Variants in PAPPA observed in about 807,000 individuals in gnomAD.
PAPPA encodes the protein pappalysin 1.
Under a neutral mutation model 164.0 loss-of-function variants are expected in PAPPA, and 60 were observed. The observed-to-expected ratio is 0.37, with a 90% CI of 0.30 to 0.45. PAPPA has a LOEUF of 0.45. Among genes scored for constraint, PAPPA ranks in the 20% least tolerant of loss-of-function variants. The pLI, the probability that PAPPA is intolerant of heterozygous loss-of-function variation, is 1.00. For missense variants in PAPPA, 1,782 were observed against 2,087.3 expected, an observed-to-expected ratio of 0.85 and a Z score of 2.85; for synonymous variants, 875 against 814.1, an observed-to-expected ratio of 1.07 and a Z score of -1.27.
At chr9:116,306,288 T>A (rs1845645365) in intron 10 of PAPPA, among the ~76,000 whole-genome samples, 1 of 152,196 alleles carries the variant, frequency 6.6e-6, no homozygotes, top group Non-Finnish European at 1.5e-5. Flanking sequence ...GTCTGCAGGA[T>A]CTCTATGACT....
chr9:116,154,059 G>A lies in PAPPA; in HGVS notation c.-114G>A, dbSNP rs901460804. 2.6e-6 allele frequency: 3 copies of A among 1,149,964 alleles called. No individual in the cohort carries two copies. Among genetic ancestry groups the A allele is most frequent in the African/African-American group, 1.7e-5 (1 of 59,394 alleles). 71.2% of individuals were successfully genotyped at this position (1,149,964 alleles called of 1,614,324 possible). On this transcript the variant is annotated 5_prime_UTR_variant, in exon 1 of 22. Transcript: ENST00000328252. The surrounding 1 kb of genome is among the most constrained non-coding windows in gnomAD (Gnocchi z 5.2). ...AAAGAAAAAAGCAAGTGGAAAGGGG[G>A]GCTCGCCCAAGAAGGGTGAAGAAGC... is the stretch of plus-strand genomic sequence containing the variant.
chr9:116,344,057 C>G (rs1013404591), intron 13 of PAPPA, among the ~76,000 whole-genome samples: 1 of 152,144 alleles, frequency 6.6e-6, no homozygotes, highest in African/African-American at 2.4e-5. Context: ...TGAGCCACCG[C>G]GCCCAGCCCA....
chr9:116,287,300 T>G (rs913129763), intron 9 of PAPPA: 1 of 152,180 alleles, frequency 6.6e-6, no homozygotes, highest in Non-Finnish European at 1.5e-5. Context: ...CGGATGATGG[T>G]ATAGGAAGAC....
chr9:116,160,494 A>G (rs529677561), intron 1 of PAPPA, among the ~76,000 whole-genome samples: 1 of 152,314 alleles, frequency 6.6e-6, no homozygotes, highest in South Asian at 2.1e-4. Context: ...CTAGTCCTTT[A>G]GAAAGATGTG....
rs931409272 is a variant in PAPPA at position 116,153,967 on chromosome 9, A to T, written c.-206A>T. On this transcript the variant is annotated 5_prime_UTR_variant, in exon 1 of 22. Coordinates refer to ENST00000328252, the MANE Select transcript of PAPPA (RefSeq NM_002581.5). ...GAGAAATTAATTGCCAACCAGGAGG[A>T]GTTGGGCTGTATTTTTCAAAGGTGG... 5 of 425,624 alleles carry T rather than the reference A, an allele frequency of 1.2e-5. No individual in the cohort carries two copies. The highest frequency in any genetic ancestry group is 1.7e-5 in the Non-Finnish European group (5 of 291,936). The allele number at this position is 425,624 out of a possible 1,614,324, so 26.4% of individuals were successfully genotyped here.
rs1847023589 is a variant in PAPPA at position 116,399,860 on chromosome 9, C to T, written c.*3244C>T. On this transcript the variant is annotated 3_prime_UTR_variant, in exon 22 of 22. Transcript: ENST00000328252. ...CTCCTGGCTTCAACACATTGAGTCACTGCCTAGACGGTTCTCTTGGTCTTA... is the reference window on the plus strand; with the variant it reads ...CTCCTGGCTTCAACACATTGAGTCATTGCCTAGACGGTTCTCTTGGTCTTA... The T allele has an allele frequency of 1.3e-5, 2 of 152,628 alleles. No homozygotes were observed. Among genetic ancestry groups the T allele is most frequent in the South Asian group, 4.1e-4 (2 of 4,830 alleles). 9.5% of individuals were successfully genotyped at this position (152,628 alleles called of 1,614,324 possible).
intron 1 of PAPPA, among the ~76,000 whole-genome samples, chr9:116,171,220 T>C (rs1337504614): frequency 6.6e-6 from 1 of 152,142 alleles, no homozygotes; most frequent in African/African-American, 2.4e-5. Flanking sequence ...TCTGGGACTC[T>C]TTTTTCCCAC....
intron 5 of PAPPA, among the ~76,000 whole-genome samples, chr9:116,223,421 T>C (rs1844468765): frequency 6.6e-6 from 1 of 152,294 alleles, no homozygotes; most frequent in Non-Finnish European, 1.5e-5. Flanking sequence ...TGGAAACCTA[T>C]TTGAGGGTTA....
chr9:116,257,918 TTA>T (rs1421909526), intron 7 of PAPPA, among the ~76,000 whole-genome samples: 1 of 151,932 alleles, frequency 6.6e-6, no homozygotes, highest in Admixed American at 6.5e-5. Flanking sequence ...CTACACGTAA[TTA>T]TGTGTATGTG....
chr9:116,239,885 A>G (rs1348162545), intron 7 of PAPPA, among the ~76,000 whole-genome samples: 1 of 152,126 alleles, frequency 6.6e-6, no homozygotes, highest in Non-Finnish European at 1.5e-5. Flanking sequence ...CTAGTCCACA[A>G]TCAGTCCCTG....
At chr9:116,371,855 C>T (rs1342625315) in intron 19 of PAPPA, among the ~76,000 whole-genome samples, 1 of 152,148 alleles carries the variant, frequency 6.6e-6, no homozygotes, top group East Asian at 1.9e-4. Context: ...TTCTCCAGCA[C>T]CAAGGTAACC....
rs1421380364 is a variant in PAPPA at position 116,154,385 on chromosome 9, C to A, written c.213C>A (p.Ala71=). The change falls in exon 1 of 22, where the codon GCC becomes GCA. Residue 71 remains alanine, a synonymous_variant. Coordinates refer to ENST00000328252, the MANE Select transcript of PAPPA (RefSeq NM_002581.5). This position sits in a 1 kb window ranked among gnomAD's most constrained non-coding sequence, Gnocchi z 5.2. ...PPPPPGGAWE[A]VRVPRRRQQR... is the part of the protein sequence containing the mutation. Reference sequence around the variant, plus strand: ...CGCCGCCGGGCGGTGCCTGGGAAGCCGTGCGCGTCCCCCGGCGGCGGCAGC... The same window carrying A: ...CGCCGCCGGGCGGTGCCTGGGAAGCAGTGCGCGTCCCCCGGCGGCGGCAGC... 6 of 1,089,924 alleles carry A rather than the reference C, an allele frequency of 5.5e-6. No individual in the cohort carries two copies. The highest frequency in any genetic ancestry group is 3.5e-5 in the East Asian group (1 of 28,806). The allele number at this position is 1,089,924 out of a possible 1,614,324, so 67.5% of individuals were successfully genotyped here. A position where few individuals can be genotyped will look rare whatever the true frequency, so the allele number is the denominator to read the frequency against.
intron 4 of PAPPA, among the ~76,000 whole-genome samples, chr9:116,214,931 G>A (rs183431891): frequency 3.5e-4 from 54 of 152,250 alleles, no homozygotes; most frequent in African/African-American, 1.2e-3. Context: ...AGATTTAACC[G>A]TAAGAATGTT....
intron 13 of PAPPA, among the ~76,000 whole-genome samples, chr9:116,336,161 G>T (rs750513163): frequency 6.6e-6 from 1 of 152,186 alleles, no homozygotes; most frequent in Admixed American, 6.5e-5. Context: ...AGAAGAGAGA[G>T]TTGTGATTTT....
chr9:116,173,209 A>G (rs928171424), intron 1 of PAPPA, among the ~76,000 whole-genome samples: 7 of 152,346 alleles, frequency 4.6e-5, no homozygotes, highest in Admixed American at 3.3e-4. Flanking sequence ...AGAGCCTTAA[A>G]GCGTTTTTTG....
chr9:116,352,182 A>G (rs533503983), intron 15 of PAPPA, among the ~76,000 whole-genome samples: 6 of 152,226 alleles, frequency 3.9e-5, no homozygotes, highest in African/African-American at 1.2e-4. Context: ...TCCTAACACA[A>G]TGCTGTCACT....
chr9:116,321,029 CA>C (rs1845848260), intron 10 of PAPPA, among the ~76,000 whole-genome samples: 1 of 150,672 alleles, frequency 6.6e-6, no homozygotes, highest in South Asian at 2.1e-4. Context: ...TGTTGTTATA[CA>C]TTTTTTTTTT....
intron 19 of PAPPA, among the ~76,000 whole-genome samples, chr9:116,368,066 G>T (rs756167698): frequency 6.6e-6 from 1 of 152,176 alleles, no homozygotes; most frequent in Admixed American, 6.5e-5. Flanking sequence ...CAATAACAGA[G>T]GTAGGGAGCA....
chr9:116,322,153 G>A (rs750295397), intron 10 of PAPPA, among the ~76,000 whole-genome samples: 9 of 152,252 alleles, frequency 5.9e-5, no homozygotes, highest in East Asian at 1.9e-4. Flanking sequence ...CTGGCCAGGC[G>A]CGGTGACTCA....
Sources: gnomAD v4.1 joint callset for allele counts (sites outside exome capture counted in the v4.1 genomes callset) on GRCh38, gnomAD v4.1.1 for gene constraint, Gnocchi (gnomAD v3.1) non-coding constraint, MANE v1.5 for transcripts, NCBI Gene and HGNC (gene_info 2026-07-23, HGNC 2026-07-21) for gene names.